DUOX1: variants seen among roughly 807,000 people sequenced by gnomAD.
DUOX1 encodes NADPH thyroid oxidase 1.
A neutral mutation model predicts 181.8 loss-of-function variants in DUOX1; 134 were observed. The ratio of observed to expected loss-of-function variants is 0.74; its 90% CI spans 0.64 to 0.85. The LOEUF (loss-of-function observed/expected upper bound fraction) is 0.85. Among genes scored for constraint, DUOX1 ranks in the 40% least tolerant of loss-of-function variants. DUOX1 has a pLI of 0.00. For synonymous variants in DUOX1, 798 were observed against 832.5 expected (o/e 0.96, Z 0.71); for missense variants, 1,814 against 2,064.4 (o/e 0.88, Z 2.35).
In DUOX1 at chr15:45,152,300, G is replaced by A. The variant is rs370420245; in HGVS notation, c.3208G>A (p.Ala1070Thr). 8 of 1,613,732 alleles carry A rather than the reference G, an allele frequency of 5.0e-6. No homozygotes were observed. The highest frequency in any genetic ancestry group is 1.3e-5 in the African/African-American group (1 of 74,894). ...LERAYYYAFA[A>T]HHTGITDTTR... is the part of the protein sequence containing the mutation. ...CCCCTCCACAGACTACGCCTTTGCCGCACATCACACGGGCATCACAGACAC... is the reference window on the plus strand; with the variant it reads ...CCCCTCCACAGACTACGCCTTTGCCACACATCACACGGGCATCACAGACAC... Residue 1070 changes from alanine (A) to threonine (T), a missense_variant, in exon 25 of 34, where the codon GCA (alanine) becomes ACA (threonine). Ala to Thr is a moderately conservative substitution (Grantham distance 58, BLOSUM62 0). Coordinates refer to ENST00000389037, the MANE Select transcript of DUOX1 (RefSeq NM_175940.3).
At chr15:45,153,162 A>G (rs1451082072) in intron 25 of DUOX1, 8 of 472,256 alleles carry the variant, frequency 1.7e-5, no homozygotes, top group Non-Finnish European at 3.7e-6. Context: ...CAGAGGTTGC[A>G]GTGAGCCGAG....
In DUOX1 at chr15:45,155,713, G is replaced by C. The variant is rs781712991; in HGVS notation, c.3575-89G>C. Reference sequence around the variant, plus strand: ...GGACATTCTTACTCCAACTTGGGCAGTGGAGTGGAGAGGGGACCTTGGAAG... The same window carrying C: ...GGACATTCTTACTCCAACTTGGGCACTGGAGTGGAGAGGGGACCTTGGAAG... On this transcript the variant is annotated intron_variant, in intron 27 of 33. Transcript: ENST00000389037. 7.2e-5 allele frequency: 114 copies of C among 1,581,538 alleles called. 1 individual carries two copies. The highest frequency in any genetic ancestry group is 8.9e-5 in the Non-Finnish European group (103 of 1,158,326).
At chr15:45,160,775 G>C in intron 28 of DUOX1, 62 bp from the exon 29 acceptor site, 1 of 1,522,918 alleles carries the variant, frequency 6.6e-7, no homozygotes, top group Non-Finnish European at 8.8e-7. Context: ...TAAGGCCTGA[G>C]CTGGCCCTGT....
chr15:45,145,947 G>T (rs1211634751), intron 18 of DUOX1, among the ~76,000 whole-genome samples: 5 of 151,958 alleles, frequency 3.3e-5, no homozygotes, highest in East Asian at 3.9e-4. Context: ...ATACAGCATG[G>T]TTCTCCCACT....
Position 45,144,893 on chromosome 15 carries a change from A to C in DUOX1, c.2137-2A>C. On this transcript the variant is annotated splice_acceptor_variant, in intron 17 of 33. Transcript: ENST00000389037. LOFTEE classifies it high-confidence loss of function. ...TTGCTTTTGCTCGGGCTGCCCCCTTAGGTGCTGCTGTTTAACTTGGAGGAA... is the reference window on the plus strand; with the variant it reads ...TTGCTTTTGCTCGGGCTGCCCCCTTCGGTGCTGCTGTTTAACTTGGAGGAA... 4 of 1,606,278 alleles carry C rather than the reference A, an allele frequency of 2.5e-6. No individual in the cohort carries two copies. Among genetic ancestry groups the C allele is most frequent in the Non-Finnish European group, 3.4e-6 (4 of 1,176,866 alleles).
intron 2 of DUOX1, 112 bp from the exon 3 acceptor site, chr15:45,133,752 T>C: frequency 1.1e-6 from 1 of 872,472 alleles, no homozygotes; most frequent in African/African-American, 1.7e-5. Context: ...ACTTCAGGTA[T>C]CCACTTTCTG....
At chr15:45,140,791 T>C in intron 12 of DUOX1, 104 bp from the exon 13 acceptor site, 1 of 1,166,862 alleles carries the variant, frequency 8.6e-7, no homozygotes, top group Admixed American at 2.0e-5. Context: ...ACTGTTACTG[T>C]CATTTATTAT....
rs767674181 is a variant in DUOX1 at position 45,136,340 on chromosome 15, T to G, written c.865-10T>G. ...ACTCGTGCCTCCCCTCGCCCCTCTC[T>G]GCCCCTCAGAACATCGCTGTGTATG... On this transcript the variant is annotated splice_polypyrimidine_tract_variant and intron_variant, in intron 7 of 33. Coordinates refer to ENST00000389037, the MANE Select transcript of DUOX1 (RefSeq NM_175940.3). 1 of 1,613,360 alleles carries G rather than the reference T, an allele frequency of 6.2e-7. No homozygotes were observed. Among genetic ancestry groups the G allele is most frequent in the South Asian group, 1.1e-5 (1 of 91,042 alleles).
At chr15:45,131,208 G>A (rs1896132707) in intron 1 of DUOX1, among the ~76,000 whole-genome samples, 1 of 152,142 alleles carries the variant, frequency 6.6e-6, no homozygotes, top group South Asian at 2.1e-4. Flanking sequence ...GCACTCAGGA[G>A]TCCCAGCCTG....
chr15:45,132,157 G>A (rs1896174831), intron 2 of DUOX1, 133 bp downstream of exon 2: 9 of 722,724 alleles, frequency 1.2e-5, no homozygotes. Context: ...CCCTGCACAT[G>A]AGAGTTGCTC....
intron 29 of DUOX1, 28 bp downstream of exon 29, chr15:45,161,018 G>A: frequency 6.2e-7 from 1 of 1,613,732 alleles, no homozygotes; most frequent in East Asian, 2.2e-5. Context: ...GATCAGCTTG[G>A]TGACACTGAG....
In DUOX1 at chr15:45,134,239, C is replaced by T. The variant is rs149322655; in HGVS notation, c.237C>T (p.Ser79=). The T allele has an allele frequency of 7.5e-4, 1,186 of 1,587,984 alleles. 7 individuals carry two copies. The highest frequency in any genetic ancestry group is 1.6e-3 in the South Asian group (139 of 87,844). ...EPHLPNPRDL[S]NTISRGPAGL... ...ACCTGCCCAACCCCCGAGACCTTAG[C>T]AACACCATCTCAAGGGGCCCTGCAG... The change falls in exon 4 of 34, where the codon AGC becomes AGT. Residue 79 remains serine (S), a synonymous_variant. Transcript: ENST00000389037.
At chr15:45,142,812 A>C (rs1896542832) in intron 15 of DUOX1, among the ~76,000 whole-genome samples, 1 of 91,118 alleles carries the variant, frequency 1.1e-5, no homozygotes, top group Non-Finnish European at 2.2e-5. Flanking sequence ...AGGGAGGAAG[A>C]GCAGGCTGGG....
At chr15:45,152,780 C>T (rs1285419072) in intron 25 of DUOX1, 3 of 565,848 alleles carry the variant, frequency 5.3e-6, no homozygotes, top group East Asian at 6.0e-5. Flanking sequence ...CATAATGTGT[C>T]AATTCTCCCA....
At chr15:45,135,062 G>A (rs1896252966) in intron 4 of DUOX1, 42 bp from the exon 5 acceptor site, 8 of 1,596,272 alleles carry the variant, frequency 5.0e-6, no homozygotes, top group South Asian at 2.2e-5. Context: ...AAGGAAAGTG[G>A]CCCTCTGCTT....
At position 45,161,731 on chromosome 15, in the gene DUOX1, T is replaced by TC; in HGVS notation, c.3857-3dup. On this transcript the variant is annotated splice_polypyrimidine_tract_variant and splice_region_variant and intron_variant, in intron 29 of 33. Transcript: ENST00000389037. ...GCAGCAGCTTCTCACCCACCATCCC[T>TC]CCCCAGGAGTGACCCACCTGCGGTT... 6.2e-7 allele frequency: 1 copy of TC among 1,612,630 alleles called. No homozygotes were observed.
At chr15:45,162,108 C>A in intron 30 of DUOX1, 111 bp from the exon 31 acceptor site, 1 of 1,475,362 alleles carries the variant, frequency 6.8e-7, no homozygotes, top group Non-Finnish European at 9.3e-7. Flanking sequence ...GCCACAAATC[C>A]TCCTCTTCCC....
Position 45,147,530 on chromosome 15 carries a change from T to C in DUOX1, c.2420T>C (p.Phe807Ser). 6.2e-7 allele frequency: 1 copy of C among 1,614,110 alleles called. No individual in the cohort carries two copies. Among genetic ancestry groups the C allele is most frequent in the Non-Finnish European group, 8.5e-7 (1 of 1,179,992 alleles). ...ACCTGTGAGCTGAGCAGGGCCGAGT[T>C]TGCCGAGTCCCTGGGCCTCAAGCCC... ...ALTCELSRAE[F>S]AESLGLKPQD... Residue 807 changes from phenylalanine (F) to serine (S), a missense_variant, in exon 19 of 34, where the codon TTT (phenylalanine) becomes TCT (serine). Physicochemically the swap from Phe to Ser is radical, Grantham distance 155. Transcript: ENST00000389037.
At position 45,153,978 on chromosome 15, in the gene DUOX1, G is replaced by C. The variant is rs768530196; in HGVS notation, c.3552G>C (p.Trp1184Cys). ...CTGAGCTCCCCCAGAAGTATTACTG[G>C]TGGTTCTTCCAGACCGTACCAGGTG... ...DGSELPQKYY[W>C]WFFQTVPGLT... The change falls in exon 27 of 34, where the codon TGG (tryptophan) becomes TGC (cysteine). Residue 1184 changes from tryptophan (W) to cysteine (C), a missense_variant. Trp to Cys is a radical substitution (Grantham distance 215). Coordinates refer to ENST00000389037, the MANE Select transcript of DUOX1 (RefSeq NM_175940.3). The C allele has an allele frequency of 6.2e-7, 1 of 1,613,402 alleles. No individual in the cohort carries two copies. Among genetic ancestry groups the C allele is most frequent in the East Asian group, 2.2e-5 (1 of 44,874 alleles).
Sources: allele counts gnomAD v4.1 joint callset (sites outside exome capture counted in the v4.1 genomes callset), GRCh38; gene constraint gnomAD v4.1.1; transcripts MANE v1.5; gene names NCBI Gene and HGNC (gene_info 2026-07-23, HGNC 2026-07-21).